Variants in POLR2F observed in about 807,000 individuals in gnomAD.
POLR2F encodes RNA polymerase II, I and III subunit F.
Under a neutral mutation model 22.7 loss-of-function variants are expected in POLR2F, and 12 were observed. The observed-to-expected ratio is 0.53, with a 90% confidence interval of 0.34 to 0.86. The LOEUF is 0.86. Among genes scored for constraint, POLR2F ranks in the 40% least tolerant of loss-of-function variants. The pLI is 0.02. For synonymous variants in POLR2F, 57 were observed against 66.0 expected (o/e 0.86, Z 0.66); for missense variants, 126 against 171.5 (o/e 0.73, Z 1.48).
chr22:37,975,144 T>C (rs1035330685), intron 4 of POLR2F, among the ~76,000 whole-genome samples: 1 of 152,206 alleles, frequency 6.6e-6, no homozygotes, highest in Non-Finnish European at 1.5e-5. Context: ...CATATTAATT[T>C]AGCAAACTCT....
At position 37,993,047 on chromosome 22, in the gene POLR2F, G is replaced by A. The variant is rs185477390; in HGVS notation, c.120+6735G>A. Among the ~76,000 whole-genome samples the A allele has an allele frequency of 5.4e-3, 820 of 152,324 alleles. 2 individuals carry two copies. Among genetic ancestry groups the A allele is most frequent in the Non-Finnish European group, 8.9e-3 (607 of 68,036 alleles). ...TAGGCAACATGGTGCAGACATGCAT[G>A]AGGATTAAGAGAGTGGGGAAGGTGG... On this transcript the variant is annotated intron_variant, in intron 1 of 2. Transcript: ENST00000333418.
At chr22:38,031,511 C>T (rs73417894), downstream of POLR2F, among the ~76,000 whole-genome samples, 3,818 of 152,196 alleles carry the variant, frequency 0.025, 155 homozygotes, top group African/African-American at 0.087. The surrounding 1 kb of genome is among the most constrained non-coding windows in gnomAD (Gnocchi z 4.1). Context: ...GATTCACCAC[C>T]AGGTCCCCAG....
chr22:38,014,304 T>C (rs1351740778), intron 1 of POLR2F, among the ~76,000 whole-genome samples: 1 of 151,974 alleles, frequency 6.6e-6, no homozygotes, highest in Non-Finnish European at 1.5e-5. Context: ...TCTGTATGCC[T>C]TTTATTTCAT....
chr22:37,973,941 C>A, downstream of POLR2F: 1 of 1,610,714 alleles, frequency 6.2e-7, no homozygotes, highest in Non-Finnish European at 8.5e-7. Flanking sequence ...CTGCCCAGCC[C>A]ATAGCCGGCT....
chr22:38,002,984 C>G (rs2084787652), intron 1 of POLR2F, among the ~76,000 whole-genome samples: 1 of 152,094 alleles, frequency 6.6e-6, no homozygotes, highest in Non-Finnish European at 1.5e-5. Context: ...CTCGGCCTCT[C>G]AAAGTGCTAG....
chr22:37,965,282 G>C (rs139877), intron 3 of POLR2F, among the ~76,000 whole-genome samples: 103,584 of 152,156 alleles, frequency 0.68, 35,816 homozygotes, highest in African/African-American at 0.81. Context: ...GCTGTGATTA[G>C]AGGCGTGAGC....
chr22:37,982,750 G>A (rs1932439779), upstream of POLR2F, among the ~76,000 whole-genome samples: 1 of 152,106 alleles, frequency 6.6e-6, no homozygotes, highest in African/African-American at 2.4e-5. Context: ...CTCTCCCTAG[G>A]AGGATGAAGA....
At chr22:38,024,732 G>A (rs968659354) in intron 1 of POLR2F, among the ~76,000 whole-genome samples, 6 of 152,100 alleles carry the variant, frequency 3.9e-5, no homozygotes, top group African/African-American at 1.4e-4. Context: ...TTGAGAGTGT[G>A]ATTTGGTCTG....
chr22:37,993,486 C>T (rs1208978527), intron 1 of POLR2F, among the ~76,000 whole-genome samples: 2 of 152,166 alleles, frequency 1.3e-5, no homozygotes, highest in East Asian at 1.9e-4. Flanking sequence ...GGATCCTCCT[C>T]GCCGACATAA....
intron 1 of POLR2F, among the ~76,000 whole-genome samples, chr22:38,024,757 A>G (rs2084992345): frequency 6.6e-6 from 1 of 152,052 alleles, no homozygotes; most frequent in South Asian, 2.1e-4. Context: ...AAGTGCAGGG[A>G]ACCAAGGAGG....
At chr22:37,975,926 A>G (rs11912587) in intron 4 of POLR2F, among the ~76,000 whole-genome samples, 2 of 151,938 alleles carry the variant, frequency 1.3e-5, no homozygotes, top group South Asian at 2.1e-4. Context: ...TTCTCTCTCT[A>G]TATATATACT....
intron 1 of POLR2F, among the ~76,000 whole-genome samples, chr22:38,004,436 C>G (rs2084802649): frequency 6.6e-6 from 1 of 152,152 alleles, no homozygotes; most frequent in South Asian, 2.1e-4. Context: ...CTTGCCACTT[C>G]CTGAGCGCTC....
Position 37,968,681 on chromosome 22 carries a change from C to T in POLR2F, c.*966C>T. The T allele has an allele frequency of 3.0e-6, 3 of 985,398 alleles. No homozygotes were observed. The highest frequency in any genetic ancestry group is 3.6e-6 in the Non-Finnish European group (3 of 829,904). The allele number at this position is 985,398 out of a possible 1,614,324, so 61.0% of individuals were successfully genotyped here. A position where few individuals can be genotyped will look rare whatever the true frequency, so the allele number is the denominator to read the frequency against. ...GGGGGAGGGTGTATATTGACATGAA[C>T]AGGGATAGAGGGTAAACTGGCTCCC... On this transcript the variant is annotated 3_prime_UTR_variant, in exon 5 of 5. Transcript: ENST00000442738.
At chr22:38,008,030 AG>A (rs1179395965) in intron 1 of POLR2F, among the ~76,000 whole-genome samples, 2 of 152,108 alleles carry the variant, frequency 1.3e-5, no homozygotes, top group African/African-American at 2.4e-5. Context: ...ACCTGAGGTC[AG>A]GAGTTTGAGA....
In POLR2F at chr22:37,959,418, C is replaced by G; in HGVS notation, c.163C>G (p.Pro55Ala). The change falls in exon 3 of 5, where the codon CCA becomes GCA. Residue 55 changes from proline (P) to alanine (A), a missense_variant. Transcript: ENST00000442738. ...GGCCAACCAGAAGCGAATCACCACA[C>G]CATACATGACCAAGTACGAGCGAGC... ...PQANQKRITTPYMTKYERARV... is the reference protein window; with the variant it reads ...PQANQKRITTAYMTKYERARV... 1 of 1,614,140 alleles carries G rather than the reference C, an allele frequency of 6.2e-7. No homozygotes were observed. The highest frequency in any genetic ancestry group is 1.1e-5 in the South Asian group (1 of 91,086).
At chr22:37,973,921 G>A (rs760496644), downstream of POLR2F, 71 of 1,610,050 alleles carry the variant, frequency 4.4e-5, no homozygotes, top group Admixed American at 1.7e-5. Context: ...CACTGGCCAC[G>A]GCCAGGGCAC....
rs1280994688 is a variant in POLR2F, at chr22:37,986,781, C to T, written c.120+469C>T. ...GCCCCTGCTGCGAACACATCCCTGC[C>T]CACCATGCTGGCAACTGGGATCCCC... On this transcript the variant is annotated intron_variant, in intron 1 of 2. Transcript: ENST00000333418. The surrounding 1 kb of genome is among the most constrained non-coding windows in gnomAD (Gnocchi z 4.7). 4.3e-6 allele frequency: 2 copies of T among 464,306 alleles called. No individual in the cohort carries two copies. The highest frequency in any genetic ancestry group is 4.7e-5 in the Admixed American group (2 of 42,780). The allele number at this position is 464,306 out of a possible 1,614,324, so 28.8% of individuals were successfully genotyped here. A position where few individuals can be genotyped will look rare whatever the true frequency, so the allele number is the denominator to read the frequency against.
rs916254668 is a variant in POLR2F, at chr22:37,986,764, T to C, written c.120+452T>C. 11 of 469,252 alleles carry C rather than the reference T, an allele frequency of 2.3e-5. No homozygotes were observed. Among genetic ancestry groups the C allele is most frequent in the Non-Finnish European group, 4.7e-5 (11 of 235,946 alleles). 29.1% of individuals were successfully genotyped at this position (469,252 alleles called of 1,614,324 possible). ...GTGTGTGTGTGGTTGGGGCCCCTGC[T>C]GCGAACACATCCCTGCCCACCATGC... On this transcript the variant is annotated intron_variant, in intron 1 of 2. Transcript: ENST00000333418. This position sits in a 1 kb window ranked among gnomAD's most constrained non-coding sequence, Gnocchi z 4.7.
chr22:38,024,662 G>A (rs188783819), intron 1 of POLR2F, among the ~76,000 whole-genome samples: 1 of 152,244 alleles, frequency 6.6e-6, no homozygotes, highest in East Asian at 1.9e-4. Flanking sequence ...CTGGGAGGTG[G>A]GGGTGCAATC....
Sources: allele counts gnomAD v4.1 joint callset (sites outside exome capture counted in the v4.1 genomes callset), GRCh38; gene constraint gnomAD v4.1.1; non-coding constraint Gnocchi (gnomAD v3.1); transcripts MANE v1.5; gene names NCBI Gene and HGNC (gene_info 2026-07-23, HGNC 2026-07-21).